Variants in SATB1 observed in about 807,000 individuals in gnomAD.
SATB1 encodes DNA-binding protein SATB1.
SATB1 carries 11 observed loss-of-function variants against 86.9 expected under a neutral mutation model. The observed-to-expected ratio is 0.13, with a 90% CI of 0.08 to 0.21. The LOEUF (loss-of-function observed/expected upper bound fraction) is 0.21, where lower values mean the gene tolerates loss of function less well. Among genes scored for constraint, SATB1 ranks in the 10% least tolerant of loss-of-function variants. The probability of loss-of-function intolerance (pLI) is 1.00; values close to 1 mark genes in which losing one functional copy is unlikely to be tolerated. For synonymous variants in SATB1, 357 were observed against 357.2 expected (o/e 1.00, Z 0.01); for missense variants, 551 against 937.6 (o/e 0.59, Z 5.39).
intron 9 of SATB1, among the ~76,000 whole-genome samples, chr3:18,369,201 ACTAC>A (rs907549768): frequency 3.3e-5 from 5 of 151,484 alleles, no homozygotes; most frequent in Non-Finnish European, 5.9e-5. Flanking sequence ...CCTTTAGAAA[ACTAC>A]CTGTGTCCAG....
In SATB1 at chr3:18,394,928, A is replaced by G; in HGVS notation, c.752-12T>C. On this transcript the variant is annotated splice_polypyrimidine_tract_variant and intron_variant, in intron 6 of 10. Coordinates refer to ENST00000338745, the MANE Select transcript of SATB1 (RefSeq NM_002971.6). The surrounding 1 kb of genome is among the most constrained non-coding windows in gnomAD (Gnocchi z 5.9). The stretch of plus-strand genomic sequence containing the variant: ...ACTATCCATTTCAACTAAAGTGGAC[A>G]AAGAGTAAAATCACATTCAGCCAAC... 6.5e-7 allele frequency: 1 copy of G among 1,546,590 alleles called. No individual in the cohort carries two copies. Among genetic ancestry groups the G allele is most frequent in the Admixed American group, 1.9e-5 (1 of 53,858 alleles).
chr3:18,415,504 G>T (rs935530635), intron 4 of SATB1, among the ~76,000 whole-genome samples: 1 of 151,916 alleles, frequency 6.6e-6, no homozygotes, highest in African/African-American at 2.4e-5. Context: ...ACAATTTAAG[G>T]TGTACTGCTT....
chr3:18,425,689 G>T (rs1698663016), upstream of SATB1, among the ~76,000 whole-genome samples: 1 of 151,798 alleles, frequency 6.6e-6, no homozygotes, highest in African/African-American at 2.4e-5. Context: ...GGCTAGCGCC[G>T]GCCGCCGCCA....
At position 18,380,979 on chromosome 3, in the gene SATB1, G is replaced by A. The variant is rs116256151; in HGVS notation, c.1420-2654C>T. 3.7e-3 allele frequency among the ~76,000 whole-genome samples: 560 copies of A among 152,162 alleles called. 5 individuals are homozygous for A. The highest frequency in any genetic ancestry group is 0.012 in the African/African-American group (494 of 41,498). ...ACAAACTACTGTTCAGCTCTTCTCC[G>A]CAAATAGCACAGGAGGTAAAATAAA... On this transcript the variant is annotated intron_variant, in intron 8 of 10. Coordinates refer to ENST00000338745, the MANE Select transcript of SATB1 (RefSeq NM_002971.6).
chr3:18,433,233 T>C (rs1698946531), intron 2 of SATB1, among the ~76,000 whole-genome samples: 1 of 152,188 alleles, frequency 6.6e-6, no homozygotes, highest in East Asian at 1.9e-4. Context: ...AAATTAACTA[T>C]ATGCATGAAA....
chr3:18,417,539 C>A (rs1020401164), intron 2 of SATB1: 19 of 618,140 alleles, frequency 3.1e-5, no homozygotes, highest in Non-Finnish European at 4.9e-5. Context: ...TGTGTCCAAA[C>A]AAATTATCTT....
intron 3 of SATB1, among the ~76,000 whole-genome samples, chr3:18,416,618 C>G (rs1010159031): frequency 1.3e-5 from 2 of 152,106 alleles, no homozygotes; most frequent in Admixed American, 1.3e-4. Context: ...ACGCTCCTCA[C>G]TTCCTTGTGG....
rs1205179855 is a variant in SATB1 at position 18,437,941 on chromosome 3, G to A, written c.-108+624C>T. Reference sequence around the variant, plus strand: ...GGCTTGCTATATCAAGAATCACATAGCCTTGTTGTTAATCCCCAATGATTT... The same window carrying A: ...GGCTTGCTATATCAAGAATCACATAACCTTGTTGTTAATCCCCAATGATTT... On this transcript the variant is annotated intron_variant, in intron 1 of 3. Coordinates refer to the SATB1 transcript ENST00000414509. Among the ~76,000 whole-genome samples, 5 of 152,146 alleles carry A rather than the reference G, an allele frequency of 3.3e-5. No homozygotes were observed. In the East Asian group the frequency reaches 7.7e-4, roughly 24 times the overall value.
intron 9 of SATB1, among the ~76,000 whole-genome samples, chr3:18,358,117 C>T (rs147748340): frequency 0.011 from 1,669 of 151,984 alleles, 14 homozygotes; most frequent in Non-Finnish European, 0.017. Flanking sequence ...TTTCCAAATG[C>T]TTAAAATTAA....
At chr3:18,405,278 T>G (rs1697464779) in intron 5 of SATB1, among the ~76,000 whole-genome samples, 1 of 152,008 alleles carries the variant, frequency 6.6e-6, no homozygotes, top group African/African-American at 2.4e-5. Context: ...AATGTACCCA[T>G]TTGAGAAATC....
rs780863121 is a variant in SATB1, at chr3:18,378,037, G to C, written c.1575+133C>G. ...TGAATTTGAATATTGTTTCATTTTA[G>C]AGCTCTGGAAATAATCCTAGACACA... On this transcript the variant is annotated intron_variant, in intron 9 of 10. Transcript: ENST00000338745. 4.3e-4 allele frequency: 333 copies of C among 766,458 alleles called. 1 individual carries two copies. The highest frequency in any genetic ancestry group is 5.8e-4 in the Non-Finnish European group (297 of 512,834). 47.5% of individuals were successfully genotyped at this position (766,458 alleles called of 1,614,324 possible). A position where few individuals can be genotyped will look rare whatever the true frequency, so the allele number is the denominator to read the frequency against.
intron 9 of SATB1, among the ~76,000 whole-genome samples, chr3:18,372,815 A>G (rs1374674061): frequency 6.6e-6 from 1 of 152,210 alleles, no homozygotes; most frequent in Non-Finnish European, 1.5e-5. Flanking sequence ...ATTGAATCCA[A>G]TATGAATTCC....
At position 18,345,713 on chromosome 3, in the gene SATB1, A is replaced by C. The variant is rs1382030283; in HGVS notation, c.*3457T>G. 2.0e-5 allele frequency: 3 copies of C among 152,264 alleles called. No homozygotes were observed. Among genetic ancestry groups the C allele is most frequent in the East Asian group, 3.9e-4 (2 of 5,192 alleles). The allele number at this position is 152,264 out of a possible 1,614,324, so 9.4% of individuals were successfully genotyped here. ...TCCATTGGTTTCCACACTATCATGC[A>C]AATTTCCAACTTGCTTTAACACAAC... On this transcript the variant is annotated 3_prime_UTR_variant, in exon 11 of 11. Coordinates refer to ENST00000338745, the MANE Select transcript of SATB1 (RefSeq NM_002971.6).
chr3:18,347,529 A>AT lies in SATB1; in HGVS notation c.*1640dup, dbSNP rs1195658162. ...TAAGGGGTTTTTATACAGAAGGTCC[A>AT]TTTTTTCCCCTACTTATTTTGTTAC... On this transcript the variant is annotated 3_prime_UTR_variant, in exon 11 of 11. Transcript: ENST00000338745. 3 of 151,850 alleles carry AT rather than the reference A, an allele frequency of 2.0e-5. No homozygotes were observed. Among genetic ancestry groups the AT allele is most frequent in the Non-Finnish European group, 4.4e-5 (3 of 67,942 alleles). 9.4% of individuals were successfully genotyped at this position (151,850 alleles called of 1,614,324 possible).
At chr3:18,428,808 A>G (rs994644927), upstream of SATB1, among the ~76,000 whole-genome samples, 2 of 152,242 alleles carry the variant, frequency 1.3e-5, no homozygotes, top group Admixed American at 1.3e-4. Flanking sequence ...TTCAGATGGC[A>G]ATGTATTAAG....
intron 2 of SATB1, among the ~76,000 whole-genome samples, chr3:18,419,437 C>T (rs1395737948): frequency 6.6e-6 from 1 of 152,190 alleles, no homozygotes; most frequent in Non-Finnish European, 1.5e-5. Flanking sequence ...GTGTAAACAG[C>T]ACGTCTGCCA....
intron 2 of SATB1, among the ~76,000 whole-genome samples, chr3:18,430,679 G>A (rs1468958733): frequency 1.3e-5 from 2 of 152,228 alleles, no homozygotes; most frequent in African/African-American, 2.4e-5. Context: ...TTGCAGGCGA[G>A]TTAAAGGAGT....
intron 5 of SATB1, chr3:18,411,195 A>C (rs965265919): frequency 3.1e-5 from 10 of 323,342 alleles, no homozygotes; most frequent in African/African-American, 6.4e-5. Context: ...TGGCTTAAAG[A>C]TATCTTTTCC....
chr3:18,362,352 C>G (rs528059973), intron 9 of SATB1, among the ~76,000 whole-genome samples: 2 of 151,970 alleles, frequency 1.3e-5, no homozygotes, highest in Admixed American at 1.3e-4. Context: ...CACACTTCAA[C>G]GAGTGAAATG....
Sources: allele counts gnomAD v4.1 joint callset (sites outside exome capture counted in the v4.1 genomes callset), GRCh38; gene constraint gnomAD v4.1.1; non-coding constraint Gnocchi (gnomAD v3.1); transcripts MANE v1.5; gene names NCBI Gene and HGNC (gene_info 2026-07-23, HGNC 2026-07-21).